Variants in GRIN3A observed in about 807,000 individuals in gnomAD.
GRIN3A encodes the protein glutamate receptor ionotropic, NMDA 3A.
In GRIN3A, 47 loss-of-function variants were observed where a neutral mutation model predicts 92.4. The observed-to-expected ratio is 0.51, with a 90% CI of 0.40 to 0.65. The LOEUF (loss-of-function observed/expected upper bound fraction) is 0.65, where lower values mean the gene tolerates loss of function less well. Ranked by LOEUF, GRIN3A falls within the 30% of genes least tolerant of loss-of-function variation. The pLI, the probability that GRIN3A is intolerant of heterozygous loss-of-function variation, is 0.00. For synonymous variants in GRIN3A, 527 were observed against 540.6 expected (o/e 0.97, Z 0.35); for missense variants, 1,324 against 1,393.1 (o/e 0.95, Z 0.79).
In GRIN3A at chr9:101,670,714, A is replaced by G. The variant is rs1231021529; in HGVS notation, c.1698T>C (p.Asp566=). The change falls in exon 3 of 9, where the codon GAT becomes GAC. Residue 566 remains aspartate, a synonymous_variant. Coordinates refer to ENST00000361820, the MANE Select transcript of GRIN3A (RefSeq NM_133445.3). ...SLFSSLHSSN[D]TVPIKFKKCC... is the part of the protein sequence containing the mutation. ...ACTTCTTGAATTTAATGGGCACTGT[A>G]TCATTACTGCTATGGAGGCTGCTAA... is the stretch of plus-strand genomic sequence containing the variant. The G allele has an allele frequency of 6.2e-7, 1 of 1,614,098 alleles. No homozygotes were observed. Among genetic ancestry groups the G allele is most frequent in the Non-Finnish European group, 8.5e-7 (1 of 1,179,970 alleles).
At chr9:101,582,264 G>A (rs1827897072) in intron 6 of GRIN3A, among the ~76,000 whole-genome samples, 1 of 152,140 alleles carries the variant, frequency 6.6e-6, no homozygotes, top group Non-Finnish European at 1.5e-5. Flanking sequence ...GAGATTTCAG[G>A]CTGTGTTGGA....
At chr9:101,616,605 A>T (rs1828456887) in intron 5 of GRIN3A, among the ~76,000 whole-genome samples, 1 of 152,022 alleles carries the variant, frequency 6.6e-6, no homozygotes, top group Non-Finnish European at 1.5e-5. Context: ...GGTTATACAC[A>T]CATCTCAAGC....
chr9:101,609,588 T>C (rs1210645077), intron 6 of GRIN3A, among the ~76,000 whole-genome samples: 1 of 152,218 alleles, frequency 6.6e-6, no homozygotes, highest in African/African-American at 2.4e-5. Context: ...TTTATGTTAA[T>C]AATTGTGTTG....
At chr9:101,575,121 C>G (rs1827810130) in intron 8 of GRIN3A, among the ~76,000 whole-genome samples, 1 of 152,152 alleles carries the variant, frequency 6.6e-6, no homozygotes, top group Non-Finnish European at 1.5e-5. Context: ...TTATACATGA[C>G]CCAAGCCATT....
chr9:101,624,939 G>A (rs1588254788), intron 4 of GRIN3A, among the ~76,000 whole-genome samples: 2 of 152,288 alleles, frequency 1.3e-5, no homozygotes, highest in Middle Eastern at 3.4e-3. Flanking sequence ...GGAGCCAGGG[G>A]TGGGGTTCAC....
intron 1 of GRIN3A, among the ~76,000 whole-genome samples, chr9:101,692,121 T>C (rs1829627808): frequency 6.6e-6 from 1 of 152,180 alleles, no homozygotes; most frequent in Non-Finnish European, 1.5e-5. Flanking sequence ...CTTCTCCTTT[T>C]TCTTGTCTAT....
At chr9:101,702,350 C>A (rs1045816631) in intron 1 of GRIN3A, among the ~76,000 whole-genome samples, 21 of 152,048 alleles carry the variant, frequency 1.4e-4, no homozygotes, top group African/African-American at 5.1e-4. Context: ...CTTATCCAAT[C>A]AGGCCTTGAA....
At chr9:101,643,973 TTAATAA>T (rs1478295458) in intron 3 of GRIN3A, among the ~76,000 whole-genome samples, 2 of 151,870 alleles carry the variant, frequency 1.3e-5, no homozygotes, top group African/African-American at 4.8e-5. Context: ...GTGACTGTAG[TTAATAA>T]TAGTATATGG....
At chr9:101,688,609 A>G (rs1041274079) in intron 1 of GRIN3A, among the ~76,000 whole-genome samples, 3 of 152,120 alleles carry the variant, frequency 2.0e-5, no homozygotes, top group African/African-American at 7.2e-5. Flanking sequence ...GAGGGTAATG[A>G]AAAATGGTCT....
rs1015192604 is a variant in GRIN3A, at chr9:101,738,217, G to T, written c.-238C>A. 24 of 568,578 alleles carry T rather than the reference G, an allele frequency of 4.2e-5. No individual in the cohort carries two copies. The highest frequency in any genetic ancestry group is 4.7e-4 in the Middle Eastern group (1 of 2,118). 35.2% of individuals were successfully genotyped at this position (568,578 alleles called of 1,614,324 possible). A position where few individuals can be genotyped will look rare whatever the true frequency, so the allele number is the denominator to read the frequency against. ...GGCATCCTCTGCCCGCCCGGTCACTGCGCTGAGCAGGCAGGCGGGCGGGCC... is the reference window on the plus strand; with the variant it reads ...GGCATCCTCTGCCCGCCCGGTCACTTCGCTGAGCAGGCAGGCGGGCGGGCC... On this transcript the variant is annotated 5_prime_UTR_variant, in exon 1 of 9. Coordinates refer to ENST00000361820, the MANE Select transcript of GRIN3A (RefSeq NM_133445.3).
At chr9:101,613,809 C>G (rs1828403261) in intron 5 of GRIN3A, among the ~76,000 whole-genome samples, 1 of 152,118 alleles carries the variant, frequency 6.6e-6, no homozygotes, top group South Asian at 2.1e-4. Context: ...TAAGACATTC[C>G]TTAGAGGCAA....
chr9:101,579,494 G>T, intron 6 of GRIN3A, 134 bp from the exon 7 acceptor site: 1 of 886,318 alleles, frequency 1.1e-6, no homozygotes, highest in South Asian at 1.5e-5. Flanking sequence ...TTCTCCCTGT[G>T]TGTTCTGTGA....
chr9:101,574,871 A>G (rs1164623856), intron 8 of GRIN3A, among the ~76,000 whole-genome samples: 3 of 152,200 alleles, frequency 2.0e-5, no homozygotes, highest in Non-Finnish European at 2.9e-5. Context: ...ATGGTAGACC[A>G]TATGGAGAGA....
rs747846175 is a variant in GRIN3A at position 101,687,236 on chromosome 9, G to A, written c.700-36C>T. The A allele has an allele frequency of 1.9e-6, 3 of 1,610,874 alleles. No homozygotes were observed. The South Asian group carries it at 3.3e-5, about 18-fold the overall frequency. On this transcript the variant is annotated intron_variant, in intron 1 of 8. Coordinates refer to ENST00000361820, the MANE Select transcript of GRIN3A (RefSeq NM_133445.3). ...AGATATGAAAAAGAAGAATTAGAAA[G>A]CATTGGCCAAAGACTTTAACATAGG...
At chr9:101,617,221 A>G (rs979532664) in intron 5 of GRIN3A, among the ~76,000 whole-genome samples, 4 of 148,564 alleles carry the variant, frequency 2.7e-5, no homozygotes, top group South Asian at 2.1e-4. Context: ...AAAAAAAAAA[A>G]AAAAAGAAAA....
At chr9:101,639,906 T>A (rs1162592803) in intron 3 of GRIN3A, among the ~76,000 whole-genome samples, 4 of 151,728 alleles carry the variant, frequency 2.6e-5, no homozygotes, top group Non-Finnish European at 5.9e-5. Context: ...AAAAGAAAAA[T>A]CCTTTCCTCT....
intron 1 of GRIN3A, among the ~76,000 whole-genome samples, chr9:101,731,813 C>G (rs1334579330): frequency 6.6e-6 from 1 of 152,200 alleles, no homozygotes; most frequent in Non-Finnish European, 1.5e-5. Flanking sequence ...CTTAGCTCAC[C>G]TCTTCCCCAT....
intron 1 of GRIN3A, among the ~76,000 whole-genome samples, chr9:101,703,115 T>C (rs1197698966): frequency 6.6e-6 from 1 of 152,214 alleles, no homozygotes; most frequent in African/African-American, 2.4e-5. Context: ...GGCAGAGTGA[T>C]TTTTAGAAAA....
At chr9:101,599,590 AG>A (rs1237964683) in intron 6 of GRIN3A, among the ~76,000 whole-genome samples, 1 of 152,228 alleles carries the variant, frequency 6.6e-6, no homozygotes, top group East Asian at 1.9e-4. Flanking sequence ...GTAAATTAAA[AG>A]GGTTGACTAA....
Sources: allele counts gnomAD v4.1 joint callset (sites outside exome capture counted in the v4.1 genomes callset), GRCh38; gene constraint gnomAD v4.1.1; transcripts MANE v1.5; gene names NCBI Gene and HGNC (gene_info 2026-07-23, HGNC 2026-07-21).